MINDY2: variants seen among roughly 807,000 people sequenced by gnomAD.
The protein encoded by MINDY2 is ubiquitin carboxyl-terminal hydrolase MINDY-2.
Under a neutral mutation model 68.2 loss-of-function variants are expected in MINDY2, and 52 were observed. The observed-to-expected ratio is 0.76, with a 90% CI of 0.61 to 0.96. MINDY2 has a LOEUF of 0.96. Ranked by LOEUF, MINDY2 falls within the 40% of genes least tolerant of loss-of-function variation. The probability of loss-of-function intolerance (pLI) is 0.00; values close to 1 mark genes in which losing one functional copy is unlikely to be tolerated. For missense variants in MINDY2, 881 were observed against 773.4 expected (o/e 1.14, Z -1.65); for synonymous variants, 372 against 303.0 (o/e 1.23, Z -2.36).
intron 4 of MINDY2, among the ~76,000 whole-genome samples, chr15:58,814,124 G>C (rs2030508863): frequency 6.6e-6 from 1 of 151,708 alleles, no homozygotes; most frequent in Non-Finnish European, 1.5e-5. Flanking sequence ...ATTTTTAGTA[G>C]AGACAGGGTT....
rs763901310 is a variant in MINDY2 at position 58,771,791 on chromosome 15, C to T, written c.396C>T (p.Arg132=). The change falls in exon 1 of 9, where the codon CGC becomes CGT. Residue 132 remains arginine, a synonymous_variant. Transcript: ENST00000559228. ...GTACCGCCGGAGACGCGGGAGCCCG[C>T]CCGGATCTCGCCGGCACCTGCCAAG... ...ELGTAGDAGA[R]PDLAGTCQAE... is the part of the protein sequence containing the mutation. The T allele has an allele frequency of 1.2e-6, 2 of 1,610,036 alleles. No individual in the cohort carries two copies. The highest frequency in any genetic ancestry group is 1.7e-6 in the Non-Finnish European group (2 of 1,179,004).
chr15:58,852,315 T>A (rs2032861848), intron 8 of MINDY2, among the ~76,000 whole-genome samples: 1 of 87,262 alleles, frequency 1.1e-5, no homozygotes, highest in Non-Finnish European at 2.7e-5. Flanking sequence ...AGATGATCAC[T>A]TTAGCAGTAA....
chr15:58,788,689 C>T (rs2140920972), intron 2 of MINDY2, among the ~76,000 whole-genome samples: 1 of 152,186 alleles, frequency 6.6e-6, no homozygotes, highest in Middle Eastern at 3.4e-3. Flanking sequence ...AATCTTAATC[C>T]ATATTCTACA....
At chr15:58,790,549 T>A (rs1193313689) in intron 2 of MINDY2, among the ~76,000 whole-genome samples, 1 of 151,748 alleles carries the variant, frequency 6.6e-6, no homozygotes, top group Non-Finnish European at 1.5e-5. Flanking sequence ...TTGGATTTAA[T>A]AAGAATTCTC....
chr15:58,780,359 G>A (rs572243859), intron 1 of MINDY2, among the ~76,000 whole-genome samples: 4 of 151,662 alleles, frequency 2.6e-5, no homozygotes, highest in African/African-American at 9.7e-5. Flanking sequence ...CCGAGATAGC[G>A]CCATTGCACT....
intron 1 of MINDY2, among the ~76,000 whole-genome samples, chr15:58,784,754 G>C (rs1426758809): frequency 6.6e-6 from 1 of 151,576 alleles, no homozygotes; most frequent in Non-Finnish European, 1.5e-5. Context: ...CAAATAGCTG[G>C]AACTACAGGC....
intron 3 of MINDY2, among the ~76,000 whole-genome samples, chr15:58,806,213 A>G (rs568177441): frequency 1.3e-5 from 2 of 151,292 alleles, no homozygotes. Flanking sequence ...AGCTGGGATT[A>G]CAGGCATGTG....
At chr15:58,776,157 T>C (rs1446556177) in intron 1 of MINDY2, among the ~76,000 whole-genome samples, 3 of 152,132 alleles carry the variant, frequency 2.0e-5, no homozygotes, top group Non-Finnish European at 4.4e-5. Context: ...AATTACTACA[T>C]AGAGTAAATA....
rs746154698 is a variant in MINDY2 at position 58,852,922 on chromosome 15, GTTTTTTTTTTTTTTTTTTTTTTTTTTTT to G, written c.1737+978_1737+1005del. Among the ~76,000 whole-genome samples, 30 of 48,968 alleles carry G rather than the reference GTTTTTTTTTTTTTTTTTTTTTTTTTTTT, an allele frequency of 6.1e-4. 1 individual carries two copies. Among genetic ancestry groups the G allele is most frequent in the African/African-American group, 2.0e-3 (26 of 13,328 alleles). The allele number at this position is 48,968 out of a possible 152,430, so 32.1% of individuals were successfully genotyped here. ...TATACCATGCCAGACTGCTGTTCCT[GTTTTTTTTTTTTTTTTTTTTTTTTTTTT>G]TTTTTTTTTTTTTTTTTTTTAAGAC... On this transcript the variant is annotated intron_variant, in intron 8 of 8. Coordinates refer to ENST00000559228, the MANE Select transcript of MINDY2 (RefSeq NM_001040450.3).
intron 5 of MINDY2, among the ~76,000 whole-genome samples, chr15:58,830,803 TGAAGCAA>T (rs1404175184): frequency 6.6e-6 from 1 of 152,058 alleles, no homozygotes; most frequent in Non-Finnish European, 1.5e-5. Context: ...GCGAGAGAGC[TGAAGCAA>T]GAAGGCAGAA....
At chr15:58,838,697 C>T (rs2032126677) in intron 6 of MINDY2, among the ~76,000 whole-genome samples, 1 of 144,876 alleles carries the variant, frequency 6.9e-6, no homozygotes, top group African/African-American at 2.6e-5. Flanking sequence ...AGCGATTGTC[C>T]TGCCTCAGCC....
chr15:58,819,623 C>T (rs1595747997), intron 4 of MINDY2, among the ~76,000 whole-genome samples: 1 of 152,178 alleles, frequency 6.6e-6, no homozygotes, highest in East Asian at 1.9e-4. Context: ...GTTTGCATTA[C>T]TGGTGTGAGC....
At chr15:58,813,165 G>T (rs1352080972) in intron 4 of MINDY2, among the ~76,000 whole-genome samples, 4 of 152,140 alleles carry the variant, frequency 2.6e-5, no homozygotes, top group Non-Finnish European at 4.4e-5. Flanking sequence ...ATTTTGTGGT[G>T]TGGACCTACC....
intron 5 of MINDY2, among the ~76,000 whole-genome samples, chr15:58,823,750 A>G (rs192372788): frequency 3.9e-5 from 6 of 152,278 alleles, no homozygotes; most frequent in Non-Finnish European, 8.8e-5. Context: ...TTACAGCATG[A>G]GGCAGCAGTG....
intron 3 of MINDY2, among the ~76,000 whole-genome samples, chr15:58,806,818 A>C (rs1023859382): frequency 1.3e-5 from 2 of 152,200 alleles, no homozygotes; most frequent in Non-Finnish European, 2.9e-5. Context: ...TAAAACACTT[A>C]AGGGAAAAAA....
chr15:58,846,616 T>A (rs940673821), intron 6 of MINDY2, among the ~76,000 whole-genome samples: 4 of 143,242 alleles, frequency 2.8e-5, no homozygotes, highest in African/African-American at 7.8e-5. Flanking sequence ...AAAAAAAAAA[T>A]CTCATGTAAC....
At chr15:58,796,670 C>A (rs1902305010) in intron 2 of MINDY2, among the ~76,000 whole-genome samples, 1 of 152,228 alleles carries the variant, frequency 6.6e-6, no homozygotes, top group East Asian at 1.9e-4. Context: ...ATTATAGGCA[C>A]CGCCACCATG....
intron 3 of MINDY2, among the ~76,000 whole-genome samples, chr15:58,806,449 C>T (rs1345687901): frequency 1.3e-5 from 2 of 150,968 alleles, no homozygotes; most frequent in African/African-American, 4.9e-5. Flanking sequence ...CCTCAAACTC[C>T]TGGGCTCAAG....
rs1567079858 is a variant in MINDY2 at position 58,852,972 on chromosome 15, A to ATTTTTTTTTTTTTTTTTTT, written c.1737+1007_1737+1008insTTTTTTTTTTTTTTTTTTT. Among the ~76,000 whole-genome samples the ATTTTTTTTTTTTTTTTTTT allele has an allele frequency of 2.0e-3, 34 of 17,272 alleles. 12 individuals carry two copies. The highest frequency in any genetic ancestry group is 4.3e-3 in the Non-Finnish European group (26 of 6,082). The allele number at this position is 17,272 out of a possible 152,430, so 11.3% of individuals were successfully genotyped here. On this transcript the variant is annotated intron_variant, in intron 8 of 8. Transcript: ENST00000559228. ...TTTTTTTTTTTTTTTTTTTTTTTTA[A>ATTTTTTTTTTTTTTTTTTT]GACAGAGTCTCACTCTGTTGCCCAG...
Sources: allele counts gnomAD v4.1 joint callset (sites outside exome capture counted in the v4.1 genomes callset), GRCh38; gene constraint gnomAD v4.1.1; transcripts MANE v1.5; gene names NCBI Gene and HGNC (gene_info 2026-07-23, HGNC 2026-07-21).